Variants in SEMA6D observed in about 807,000 individuals in gnomAD.
The protein encoded by SEMA6D is semaphorin-6D.
In SEMA6D, 35 loss-of-function variants were observed where a neutral mutation model predicts 106.6. That is an observed-to-expected ratio of 0.33 (90% confidence interval 0.25 to 0.44). The LOEUF (loss-of-function observed/expected upper bound fraction) is 0.44, where lower values mean the gene tolerates loss of function less well. SEMA6D is among the 20% of genes least tolerant of loss of function. The pLI, the probability that SEMA6D is intolerant of heterozygous loss-of-function variation, is 1.00. For synonymous variants in SEMA6D, 499 were observed against 487.7 expected (o/e 1.02, Z -0.31); for missense variants, 1,185 against 1,345.9 (o/e 0.88, Z 1.87).
intron 1 of SEMA6D, among the ~76,000 whole-genome samples, chr15:47,750,579 A>T (rs1411095902): frequency 1.3e-5 from 2 of 152,144 alleles, no homozygotes; most frequent in African/African-American, 4.8e-5. Context: ...GCTCCTTCAG[A>T]ATGCACATTT....
chr15:47,343,272 A>ATTATTG (rs1016166275), intron 1 of SEMA6D, among the ~76,000 whole-genome samples: 31 of 150,468 alleles, frequency 2.1e-4, no homozygotes, highest in Admixed American at 9.3e-4. Flanking sequence ...TATTATTATT[A>ATTATTG]TACTTTAAGT....
At chr15:47,427,378 A>G (rs756211565) in intron 2 of SEMA6D, among the ~76,000 whole-genome samples, 2 of 152,172 alleles carry the variant, frequency 1.3e-5, no homozygotes, top group Non-Finnish European at 2.9e-5. Flanking sequence ...ACAGCATGCA[A>G]CCATGCACAG....
intron 1 of SEMA6D, chr15:47,274,814 T>A (rs2034723442): frequency 1.3e-5 from 2 of 152,134 alleles, no homozygotes; most frequent in South Asian, 2.1e-4. Flanking sequence ...CCTGGACCAT[T>A]CATATCAATC....
chr15:47,224,501 T>C (rs1344675452), intron 1 of SEMA6D, among the ~76,000 whole-genome samples: 1 of 152,118 alleles, frequency 6.6e-6, no homozygotes, highest in Non-Finnish European at 1.5e-5. Context: ...CCATTTTACA[T>C]ATAGGGAAAC....
At chr15:47,733,510 C>T (rs188785648) in intron 1 of SEMA6D, among the ~76,000 whole-genome samples, 3 of 152,276 alleles carry the variant, frequency 2.0e-5, no homozygotes, top group East Asian at 1.9e-4. Context: ...TCATTGAATA[C>T]GAGTCTTGTT....
chr15:47,496,194 CA>C (rs2043651519), intron 3 of SEMA6D, among the ~76,000 whole-genome samples: 2 of 151,998 alleles, frequency 1.3e-5, no homozygotes, highest in South Asian at 4.1e-4. Flanking sequence ...TCTAGCTGGT[CA>C]AAGACTAAGT....
At chr15:47,634,816 G>T (rs2077355273) in intron 4 of SEMA6D, among the ~76,000 whole-genome samples, 1 of 151,940 alleles carries the variant, frequency 6.6e-6, no homozygotes, top group Non-Finnish European at 1.5e-5. Flanking sequence ...GCTTCTTCGG[G>T]GGTGGGGGCG....
intron 17 of SEMA6D, among the ~76,000 whole-genome samples, chr15:47,767,871 A>G (rs1201416337): frequency 5.9e-5 from 9 of 152,206 alleles, no homozygotes; most frequent in Admixed American, 5.9e-4. Flanking sequence ...GGGGAGAAAA[A>G]GATGGTAGAT....
intron 3 of SEMA6D, among the ~76,000 whole-genome samples, chr15:47,504,804 A>G (rs1447807243): frequency 6.6e-6 from 1 of 152,126 alleles, no homozygotes; most frequent in Non-Finnish European, 1.5e-5. Flanking sequence ...GCTAATTTGG[A>G]CACTCAGATT....
intron 1 of SEMA6D, among the ~76,000 whole-genome samples, chr15:47,271,775 G>A (rs1287963878): frequency 1.3e-5 from 2 of 152,174 alleles, no homozygotes; most frequent in Non-Finnish European, 2.9e-5. Context: ...AAAGAACCAG[G>A]AGTGAGACTG....
intron 3 of SEMA6D, among the ~76,000 whole-genome samples, chr15:47,508,343 G>C (rs2044118221): frequency 6.6e-6 from 1 of 152,196 alleles, no homozygotes; most frequent in African/African-American, 2.4e-5. Flanking sequence ...TTTGGATCCT[G>C]TTTGGCATTG....
At position 47,768,614 on chromosome 15, in the gene SEMA6D, T is replaced by G; in HGVS notation, c.1799T>G (p.Met600Arg). The change falls in exon 18 of 19, where the codon ATG (methionine) becomes AGG (arginine). Residue 600 changes from methionine (M) to arginine (R), a missense_variant. Around this residue, in one of 3 missense-constraint regions of SEMA6D, gnomAD observed 750 missense variants for 783.5 expected, o/e 0.96. Transcript: ENST00000536845. ...GTATCTTCATCTTCTGTTACCACAA[T>G]GGCAAGTATCCCAGAAATCACACCT... ...MEVSSSSVTT[M>R]ASIPEITPKV... The G allele has an allele frequency of 6.2e-7, 1 of 1,613,140 alleles. No homozygotes were observed. The highest frequency in any genetic ancestry group is 1.3e-5 in the African/African-American group (1 of 75,022).
chr15:47,379,408 C>G (rs1193934958), intron 1 of SEMA6D, among the ~76,000 whole-genome samples: 2 of 152,172 alleles, frequency 1.3e-5, no homozygotes. Flanking sequence ...AGGGAAATTT[C>G]AAAGTAGAGA....
At chr15:47,456,089 T>G (rs2140981982) in intron 2 of SEMA6D, among the ~76,000 whole-genome samples, 1 of 152,078 alleles carries the variant, frequency 6.6e-6, no homozygotes, top group Non-Finnish European at 1.5e-5. Context: ...CCACTTAATC[T>G]TATTGTTCTT....
At chr15:47,403,931 T>C (rs1160247661) in intron 1 of SEMA6D, among the ~76,000 whole-genome samples, 1 of 152,144 alleles carries the variant, frequency 6.6e-6, no homozygotes, top group Non-Finnish European at 1.5e-5. Context: ...GGAGGTCAAC[T>C]AGGAAGCTGA....
intron 1 of SEMA6D, among the ~76,000 whole-genome samples, chr15:47,189,592 A>G (rs1816447658): frequency 6.6e-6 from 1 of 152,256 alleles, no homozygotes; most frequent in Non-Finnish European, 1.5e-5. Context: ...ACTCTGAATT[A>G]AACTTCCAAA....
In SEMA6D at chr15:47,761,750, T is replaced by C; in HGVS notation, c.537T>C (p.Ala179=). Residue 179 remains alanine, a splice_region_variant and synonymous_variant, in exon 7 of 19, where the codon GCT becomes GCC. Transcript: ENST00000536845. ...GACAAACCAATGTTGCCCTCTTTGC[T>C]GGTAAGATCCTTTAGCGTAATGAAT... is the stretch of plus-strand genomic sequence containing the variant. ...DARQTNVALF[A]DGKLYSATVA... 6.2e-7 allele frequency: 1 copy of C among 1,607,412 alleles called. No individual in the cohort carries two copies.
At chr15:47,633,762 C>T (rs74561350) in intron 4 of SEMA6D, among the ~76,000 whole-genome samples, 26,669 of 152,122 alleles carry the variant, frequency 0.18, 2,866 homozygotes, top group South Asian at 0.32. Context: ...AAGATACAAA[C>T]GATAACTCTT....
chr15:47,196,295 A>C (rs1241191268), intron 1 of SEMA6D, among the ~76,000 whole-genome samples: 1 of 152,096 alleles, frequency 6.6e-6, no homozygotes, highest in Non-Finnish European at 1.5e-5. Context: ...CTGCCCGTTC[A>C]CTGCACCCGG....
Sources: gnomAD v4.1 joint callset for allele counts (sites outside exome capture counted in the v4.1 genomes callset) on GRCh38, gnomAD v4.1.1 for gene constraint, gnomAD v4.1.1 regional missense constraint, MANE v1.5 for transcripts, NCBI Gene and HGNC (gene_info 2026-07-23, HGNC 2026-07-21) for gene names.